Variants in MBOAT1 observed in about 807,000 individuals in gnomAD.
MBOAT1 encodes membrane-bound glycerophospholipid O-acyltransferase 1.
In MBOAT1, 67 loss-of-function variants were observed where a neutral mutation model predicts 64.4. That is an observed-to-expected ratio of 1.04 (90% CI 0.85 to 1.27). The LOEUF (loss-of-function observed/expected upper bound fraction) is 1.27. MBOAT1 is among the 50% of genes most tolerant of loss of function. MBOAT1 has a pLI of 0.00. For synonymous variants in MBOAT1, 229 were observed against 218.9 expected, an observed-to-expected ratio of 1.05 and a Z score of -0.41; for missense variants, 563 against 604.6, an observed-to-expected ratio of 0.93 and a Z score of 0.72.
At chr6:20,171,382 TAAA>T (rs34821586) in intron 1 of MBOAT1, among the ~76,000 whole-genome samples, 1 of 113,302 alleles carries the variant, frequency 8.8e-6, no homozygotes, top group Non-Finnish European at 1.8e-5. Context: ...ACAAAAAACT[TAAA>T]AAAAAAAAAA....
At chr6:20,112,310 G>A (rs1760194190) in intron 11 of MBOAT1, among the ~76,000 whole-genome samples, 1 of 151,888 alleles carries the variant, frequency 6.6e-6, no homozygotes, top group Admixed American at 6.6e-5. Flanking sequence ...GAAACTACAG[G>A]CTCCTGAAAA....
chr6:20,177,773 C>CA lies in MBOAT1; in HGVS notation c.100-25005dup, dbSNP rs58552446. On this transcript the variant is annotated intron_variant, in intron 1 of 12. Transcript: ENST00000324607. ...TGGGCAACAGAGTGAGACTCCGTCT[C>CA]AAAAAAAAAAAAAAAAAACAAAAAA... 9.2e-3 allele frequency among the ~76,000 whole-genome samples: 773 copies of CA among 84,426 alleles called. 8 individuals are homozygous for CA. Among genetic ancestry groups the CA allele is most frequent in the African/African-American group, 0.022 (607 of 27,430 alleles). The allele number at this position is 84,426 out of a possible 152,430, so 55.4% of individuals were successfully genotyped here.
At chr6:20,140,370 G>C (rs1237394331) in intron 4 of MBOAT1, among the ~76,000 whole-genome samples, 2 of 152,134 alleles carry the variant, frequency 1.3e-5, no homozygotes, top group Non-Finnish European at 1.5e-5. Flanking sequence ...GTGTCAACTT[G>C]ACTGGGCTCA....
chr6:20,178,287 G>C (rs1762411011), intron 1 of MBOAT1, among the ~76,000 whole-genome samples: 1 of 152,116 alleles, frequency 6.6e-6, no homozygotes, highest in Non-Finnish European at 1.5e-5. Flanking sequence ...ATAAGCGGAA[G>C]TCACTTTCTG....
chr6:20,166,857 T>C (rs1250646620), intron 1 of MBOAT1, among the ~76,000 whole-genome samples: 1 of 151,900 alleles, frequency 6.6e-6, no homozygotes, highest in Non-Finnish European at 1.5e-5. Context: ...GAGGATCACT[T>C]AAGCCGAGCA....
At chr6:20,158,118 T>C (rs977711492) in intron 1 of MBOAT1, among the ~76,000 whole-genome samples, 2 of 143,952 alleles carry the variant, frequency 1.4e-5, no homozygotes, top group Non-Finnish European at 3.0e-5. Flanking sequence ...ATCATATCAC[T>C]GCACTCCAGC....
intron 1 of MBOAT1, among the ~76,000 whole-genome samples, chr6:20,207,604 G>T (rs7758980): frequency 0.9 from 136,823 of 152,224 alleles, 61,655 homozygotes; most frequent in East Asian, 1. Context: ...TTTCAAGACA[G>T]GTGAAAATTC....
At chr6:20,164,896 G>A (rs552192002) in intron 1 of MBOAT1, among the ~76,000 whole-genome samples, 2 of 152,216 alleles carry the variant, frequency 1.3e-5, no homozygotes, top group South Asian at 2.1e-4. Flanking sequence ...TCTCAGTACA[G>A]TATTCAACAA....
chr6:20,188,369 T>G (rs1335598234), intron 1 of MBOAT1, among the ~76,000 whole-genome samples: 3 of 152,150 alleles, frequency 2.0e-5, no homozygotes, highest in Non-Finnish European at 2.9e-5. Flanking sequence ...TGCTTCCTCC[T>G]GAAGACCCTC....
intron 11 of MBOAT1, among the ~76,000 whole-genome samples, chr6:20,111,885 T>TATACATATATATACATATATATATAC (rs1166548543): frequency 1.9e-4 from 27 of 140,958 alleles, no homozygotes; most frequent in Non-Finnish European, 3.2e-4. Flanking sequence ...TATATGTATA[T>TATACATATATATACATATATATATAC]ATATATATTC....
chr6:20,186,810 T>G (rs540276387), intron 1 of MBOAT1, among the ~76,000 whole-genome samples: 1 of 152,280 alleles, frequency 6.6e-6, no homozygotes, highest in South Asian at 2.1e-4. Flanking sequence ...CCACAGAGAC[T>G]TGGGTCAGGC....
At chr6:20,120,043 T>C (rs577414861) in intron 8 of MBOAT1, among the ~76,000 whole-genome samples, 220 of 151,874 alleles carry the variant, frequency 1.4e-3, no homozygotes, top group Admixed American at 4.8e-3. Flanking sequence ...CTTATTATCT[T>C]TCCAGGACTC....
intron 1 of MBOAT1, among the ~76,000 whole-genome samples, chr6:20,158,817 T>C (rs893353609): frequency 3.9e-5 from 6 of 152,172 alleles, no homozygotes; most frequent in Non-Finnish European, 8.8e-5. Flanking sequence ...CGTGCAGAAA[T>C]GCTCAACATC....
chr6:20,188,034 C>T (rs1031704865), intron 1 of MBOAT1, among the ~76,000 whole-genome samples: 2 of 152,052 alleles, frequency 1.3e-5, no homozygotes, highest in Non-Finnish European at 1.5e-5. Context: ...TTTCTACCTA[C>T]GTTTAAAAAT....
At chr6:20,193,604 CTT>C (rs367932037) in intron 1 of MBOAT1, among the ~76,000 whole-genome samples, 83 of 129,606 alleles carry the variant, frequency 6.4e-4, no homozygotes, top group Admixed American at 7.1e-4. Flanking sequence ...ACCAAAAATC[CTT>C]TTTTTTTTTT....
intron 4 of MBOAT1, among the ~76,000 whole-genome samples, chr6:20,139,381 A>AC (rs1761099534): frequency 6.6e-6 from 1 of 151,930 alleles, no homozygotes; most frequent in African/African-American, 2.4e-5. Context: ...TGAGATTACA[A>AC]CTGTGAGCAA....
chr6:20,152,340 A>AAT (rs1554118881), intron 2 of MBOAT1, among the ~76,000 whole-genome samples: 5 of 19,290 alleles, frequency 2.6e-4, no homozygotes, highest in Admixed American at 6.9e-4. Flanking sequence ...AAAAAAAAAT[A>AAT]AAAAATAAAT....
chr6:20,157,426 A>G (rs1761727233), intron 1 of MBOAT1, among the ~76,000 whole-genome samples: 1 of 152,266 alleles, frequency 6.6e-6, no homozygotes, highest in Non-Finnish European at 1.5e-5. Flanking sequence ...AAATGTTGCA[A>G]AAATAACGTG....
intron 12 of MBOAT1, among the ~76,000 whole-genome samples, chr6:20,104,749 C>T (rs985471283): frequency 6.6e-6 from 1 of 152,234 alleles, no homozygotes; most frequent in African/African-American, 2.4e-5. Context: ...ACATATGCCC[C>T]TAAACTTCCC....
Sources: gnomAD v4.1 joint callset for allele counts (sites outside exome capture counted in the v4.1 genomes callset) on GRCh38, gnomAD v4.1.1 for gene constraint, MANE v1.5 for transcripts, NCBI Gene and HGNC (gene_info 2026-07-23, HGNC 2026-07-21) for gene names.